Variants in KCNMA1 observed in about 807,000 individuals in gnomAD.
KCNMA1 encodes potassium calcium-activated channel subfamily M alpha 1.
In KCNMA1, 29 loss-of-function variants were observed where a neutral mutation model predicts 140.0. That is an observed-to-expected ratio of 0.21 (90% CI 0.15 to 0.28). The LOEUF (loss-of-function observed/expected upper bound fraction) is 0.28. KCNMA1 is among the 10% of genes least tolerant of loss of function. The probability of loss-of-function intolerance (pLI) is 1.00; values close to 1 mark genes in which losing one functional copy is unlikely to be tolerated. For missense variants in KCNMA1, 880 were observed against 1,602.2 expected, an observed-to-expected ratio of 0.55 and a Z score of 7.70; for synonymous variants, 612 against 611.9, an observed-to-expected ratio of 1.00 and a Z score of 0.00.
At chr10:77,227,190 A>C (rs1273333647) in intron 3 of KCNMA1, among the ~76,000 whole-genome samples, 22 of 152,154 alleles carry the variant, frequency 1.4e-4, no homozygotes, top group Admixed American at 1.4e-3. Context: ...GAAGAGGGAA[A>C]ATTTTTCCCC....
chr10:76,987,287 G>T (rs957588466), intron 19 of KCNMA1, among the ~76,000 whole-genome samples: 24 of 152,104 alleles, frequency 1.6e-4, no homozygotes, highest in African/African-American at 5.6e-4. Context: ...GTCTAATGGG[G>T]TTTACATGAA....
intron 1 of KCNMA1, among the ~76,000 whole-genome samples, chr10:77,499,919 T>C (rs1282218168): frequency 6.6e-6 from 1 of 152,066 alleles, no homozygotes; most frequent in Non-Finnish European, 1.5e-5. Flanking sequence ...TATCAGATTA[T>C]ACCATAAAAG....
In KCNMA1 at chr10:77,580,380, CAA is replaced by C. The variant is rs35626401; in HGVS notation, c.378+56883_378+56884del. Among the ~76,000 whole-genome samples, 126 of 95,454 alleles carry C rather than the reference CAA, an allele frequency of 1.3e-3. 3 individuals carry two copies. In the South Asian group the frequency reaches 0.023, roughly 18 times the overall value. 62.6% of individuals were successfully genotyped at this position (95,454 alleles called of 152,430 possible). ...TGGACAACAGAGGGAGACTCCATCT[CAA>C]AAAAAAAAAAAAAAAGAAATGTCTT... On this transcript the variant is annotated intron_variant, in intron 1 of 27. Transcript: ENST00000286628.
chr10:77,437,265 G>A (rs761953148), intron 1 of KCNMA1, among the ~76,000 whole-genome samples: 1 of 152,104 alleles, frequency 6.6e-6, no homozygotes, highest in African/African-American at 2.4e-5. Flanking sequence ...AAGGATGGAG[G>A]GTAAAGAAAA....
At chr10:76,875,387 A>G (rs1004776709), downstream of KCNMA1, 2 of 152,142 alleles carry the variant, frequency 1.3e-5, no homozygotes, top group African/African-American at 2.4e-5. Context: ...GCCCTTTGCT[A>G]TAGGAAACTA....
intron 9 of KCNMA1, among the ~76,000 whole-genome samples, chr10:77,097,524 A>T (rs2096964755): frequency 6.6e-6 from 1 of 152,156 alleles, no homozygotes; most frequent in Admixed American, 6.6e-5. Flanking sequence ...AAAAGTTAAC[A>T]GGTAGTTCAC....
rs2098404926 is a variant in KCNMA1, at chr10:77,150,877, C to T, written c.809-29829G>A. Reference sequence around the variant, plus strand: ...GTTCTCTCTTTGTGATTAGGTTTCTCATCAAAAGGAAGGAAAGAAGGAAGG... The same window carrying T: ...GTTCTCTCTTTGTGATTAGGTTTCTTATCAAAAGGAAGGAAAGAAGGAAGG... On this transcript the variant is annotated intron_variant, in intron 5 of 27. Coordinates refer to ENST00000286628, the MANE Select transcript of KCNMA1 (RefSeq NM_001161352.2). Among the ~76,000 whole-genome samples the T allele has an allele frequency of 1.3e-5, 2 of 152,092 alleles. 1 individual carries two copies. Among genetic ancestry groups the T allele is most frequent in the South Asian group, 4.2e-4 (2 of 4,818 alleles).
intron 1 of KCNMA1, among the ~76,000 whole-genome samples, chr10:77,446,918 C>T (rs1263574912): frequency 1.3e-5 from 2 of 152,248 alleles, no homozygotes; most frequent in African/African-American, 4.8e-5. Flanking sequence ...GCAAGTTCTT[C>T]CTGCTCCTCT....
At chr10:76,906,949 C>T (rs1460441711) in intron 25 of KCNMA1, among the ~76,000 whole-genome samples, 1 of 152,120 alleles carries the variant, frequency 6.6e-6, no homozygotes, top group East Asian at 1.9e-4. Context: ...ATTTGATAGG[C>T]ATTTTGATTA....
intron 2 of KCNMA1, among the ~76,000 whole-genome samples, chr10:77,383,675 A>C (rs1402230039): frequency 1.3e-5 from 2 of 152,144 alleles, no homozygotes; most frequent in Admixed American, 6.5e-5. Flanking sequence ...GTTTTTTTAC[A>C]GTCTTTTTTT....
chr10:76,988,957 C>T (rs2082022732), intron 19 of KCNMA1, among the ~76,000 whole-genome samples: 2 of 152,152 alleles, frequency 1.3e-5, no homozygotes, highest in Admixed American at 1.3e-4. Flanking sequence ...TCCTGGAGAC[C>T]TGGCAATAAC....
chr10:76,961,016 A>G (rs1273141894), intron 20 of KCNMA1, among the ~76,000 whole-genome samples: 1 of 152,008 alleles, frequency 6.6e-6, no homozygotes, highest in Non-Finnish European at 1.5e-5. Context: ...TCTGTAGCCC[A>G]TGGATCAAGG....
intron 2 of KCNMA1, among the ~76,000 whole-genome samples, chr10:77,380,414 A>G (rs1354610414): frequency 2.0e-5 from 3 of 152,150 alleles, no homozygotes; most frequent in South Asian, 2.1e-4. Context: ...CAGTGGTTCA[A>G]CCACTGAACC....
intron 3 of KCNMA1, among the ~76,000 whole-genome samples, chr10:77,233,838 A>C (rs2054467712): frequency 6.6e-6 from 1 of 151,350 alleles, no homozygotes; most frequent in Admixed American, 6.6e-5. Context: ...TTCCAAATAT[A>C]CTCTCTTGTC....
At chr10:76,979,496 G>T (rs73288574) in intron 19 of KCNMA1, 1 of 151,528 alleles carries the variant, frequency 6.6e-6, no homozygotes, top group Non-Finnish European at 1.5e-5. Flanking sequence ...CCCCAAACAG[G>T]TTCAAATAGC....
rs1347857779 is a variant in KCNMA1 at position 77,108,814 on chromosome 10, G to T, written c.1132-242C>A. Among the ~76,000 whole-genome samples, 1 of 152,016 alleles carries T rather than the reference G, an allele frequency of 6.6e-6. No individual in the cohort carries two copies. Among genetic ancestry groups the T allele is most frequent in the Non-Finnish European group, 1.5e-5 (1 of 67,994 alleles). On this transcript the variant is annotated intron_variant, in intron 8 of 27. Coordinates refer to ENST00000286628, the MANE Select transcript of KCNMA1 (RefSeq NM_001161352.2). This position sits in a 1 kb window ranked among gnomAD's most constrained non-coding sequence, Gnocchi z 4.6. ...AAGAACAAAAAAAAATCACAGTCGA[G>T]AAAAATACAAAGGCGACAGGAATAA...
rs544729902 is a variant in KCNMA1 at position 77,106,363 on chromosome 10, C to T, written c.1223+2118G>A. ...TGGCAGGAAGTCTGTGATCTGAAGTCATCAGCACCTGAAAGTTTGAGTGGA... is the reference window on the plus strand; with the variant it reads ...TGGCAGGAAGTCTGTGATCTGAAGTTATCAGCACCTGAAAGTTTGAGTGGA... On this transcript the variant is annotated intron_variant, in intron 9 of 27. Coordinates refer to ENST00000286628, the MANE Select transcript of KCNMA1 (RefSeq NM_001161352.2). Among the ~76,000 whole-genome samples the T allele has an allele frequency of 2.6e-3, 391 of 152,186 alleles. 1 individual carries two copies. Among genetic ancestry groups the T allele is most frequent in the Non-Finnish European group, 4.6e-3 (311 of 68,016 alleles).
chr10:77,366,318 G>C (rs2094357837), intron 2 of KCNMA1, among the ~76,000 whole-genome samples: 1 of 152,054 alleles, frequency 6.6e-6, no homozygotes, highest in Admixed American at 6.5e-5. Flanking sequence ...ACAGGTGCCT[G>C]CCACCATGCC....
chr10:77,135,691 A>G (rs1156945381), intron 5 of KCNMA1, among the ~76,000 whole-genome samples: 2 of 152,226 alleles, frequency 1.3e-5, no homozygotes, highest in African/African-American at 2.4e-5. Context: ...ATTTGCAACA[A>G]TGTGGATGAA....
Sources: allele counts gnomAD v4.1 joint callset (sites outside exome capture counted in the v4.1 genomes callset), GRCh38; gene constraint gnomAD v4.1.1; non-coding constraint Gnocchi (gnomAD v3.1); transcripts MANE v1.5; gene names NCBI Gene and HGNC (gene_info 2026-07-23, HGNC 2026-07-21).